GALNT11: variants seen among roughly 807,000 people sequenced by gnomAD.
The protein encoded by GALNT11 is UDP-GalNAc:polypeptide N-acetylgalactosaminyltransferase 11.
In GALNT11, 47 loss-of-function variants were observed where a neutral mutation model predicts 72.7. The observed-to-expected ratio is 0.65, with a 90% CI of 0.51 to 0.82. The LOEUF (loss-of-function observed/expected upper bound fraction) is 0.82, where lower values mean the gene tolerates loss of function less well. Ranked by LOEUF, GALNT11 falls within the 40% of genes least tolerant of loss-of-function variation. The probability of loss-of-function intolerance (pLI) is 0.00; values close to 1 mark genes in which losing one functional copy is unlikely to be tolerated. For synonymous variants in GALNT11, 270 were observed against 286.6 expected, an observed-to-expected ratio of 0.94 and a Z score of 0.58; for missense variants, 677 against 778.4, an observed-to-expected ratio of 0.87 and a Z score of 1.55.
At chr7:152,043,377 A>G (rs1160144356) in intron 1 of GALNT11, among the ~76,000 whole-genome samples, 1 of 152,232 alleles carries the variant, frequency 6.6e-6, no homozygotes, top group Non-Finnish European at 1.5e-5. Context: ...CTACTGCAGC[A>G]CTACCGGCTG....
chr7:152,040,547 A>G (rs1254330755), intron 1 of GALNT11, among the ~76,000 whole-genome samples: 1 of 152,254 alleles, frequency 6.6e-6, no homozygotes, highest in Non-Finnish European at 1.5e-5. Flanking sequence ...GATTCCCTTC[A>G]GTCAAAGGTC....
intron 8 of GALNT11, among the ~76,000 whole-genome samples, chr7:152,115,299 A>G (rs755410329): frequency 3.9e-5 from 6 of 152,234 alleles, no homozygotes; most frequent in Non-Finnish European, 5.9e-5. Context: ...GTGCCTTAGC[A>G]TAAATCGAGG....
intron 1 of GALNT11, among the ~76,000 whole-genome samples, chr7:152,085,457 C>A (rs572420979): frequency 3.8e-4 from 58 of 152,262 alleles, no homozygotes; most frequent in Non-Finnish European, 6.8e-4. Flanking sequence ...ACCTGAGATA[C>A]TTGCTTTGAC....
At chr7:152,105,413 A>G in intron 5 of GALNT11, 43 bp downstream of exon 5, 1 of 1,592,732 alleles carries the variant, frequency 6.3e-7, no homozygotes, top group East Asian at 2.2e-5. Flanking sequence ...GTTGGATGAC[A>G]AGGGCTCGAG....
At chr7:152,089,549 G>T (rs1181145468) in intron 1 of GALNT11, among the ~76,000 whole-genome samples, 1 of 152,174 alleles carries the variant, frequency 6.6e-6, no homozygotes, top group Admixed American at 6.5e-5. Context: ...AACCCGATTG[G>T]CTAACAGTTT....
intron 1 of GALNT11, among the ~76,000 whole-genome samples, chr7:152,059,995 T>C (rs1342982458): frequency 6.6e-6 from 1 of 151,952 alleles, no homozygotes; most frequent in Non-Finnish European, 1.5e-5. Flanking sequence ...TTAGTCTGCA[T>C]TGAAAATATA....
intron 1 of GALNT11, among the ~76,000 whole-genome samples, chr7:152,060,464 T>C (rs28819802): frequency 0.16 from 24,180 of 152,084 alleles, 4,670 homozygotes; most frequent in African/African-American, 0.46. Flanking sequence ...TAAGCTAAAT[T>C]ACTGGTAGTT....
chr7:152,074,012 G>A (rs1554423619), intron 1 of GALNT11, among the ~76,000 whole-genome samples: 1 of 152,048 alleles, frequency 6.6e-6, no homozygotes, highest in South Asian at 2.1e-4. Flanking sequence ...CTGCTGAGAT[G>A]TTTTAGTTTC....
chr7:152,041,789 C>A (rs1252301061), intron 1 of GALNT11, among the ~76,000 whole-genome samples: 1 of 152,180 alleles, frequency 6.6e-6, no homozygotes, highest in African/African-American at 2.4e-5. Context: ...TTAATGTCCC[C>A]TAGTAATTTT....
intron 1 of GALNT11, among the ~76,000 whole-genome samples, chr7:152,047,668 G>C (rs553247166): frequency 2.0e-4 from 30 of 151,772 alleles, no homozygotes; most frequent in African/African-American, 7.3e-4. Context: ...CTGCACTCTA[G>C]CCTGGTCAAC....
At position 152,103,205 on chromosome 7, in the gene GALNT11, G is replaced by C. The variant is rs555491479; in HGVS notation, c.513G>C (p.Val171=). The C allele has an allele frequency of 1.2e-6, 2 of 1,613,790 alleles. No homozygotes were observed. Among genetic ancestry groups the C allele is most frequent in the African/African-American group, 2.7e-5 (2 of 75,036 alleles). ...NEAFSALLRT[V]HSVIDRTPAH... is the part of the protein sequence containing the mutation. ...CGTTTTCTGCCTTGCTTCGGACAGTGCACAGTGTCATAGACCGCACGCCAG... is the reference window on the plus strand; with the variant it reads ...CGTTTTCTGCCTTGCTTCGGACAGTCCACAGTGTCATAGACCGCACGCCAG... The change falls in exon 4 of 12, where the codon GTG becomes GTC. Residue 171 remains valine (V), a synonymous_variant. Transcript: ENST00000430044.
chr7:152,062,187 C>A (rs1455058427), intron 1 of GALNT11, among the ~76,000 whole-genome samples: 8 of 152,196 alleles, frequency 5.3e-5, no homozygotes, highest in African/African-American at 1.7e-4. Flanking sequence ...AGAGATCCTT[C>A]ACATCCCTTG....
At chr7:152,084,408 T>A (rs969193103) in intron 1 of GALNT11, among the ~76,000 whole-genome samples, 1 of 151,340 alleles carries the variant, frequency 6.6e-6, no homozygotes, top group African/African-American at 2.4e-5. Flanking sequence ...AAAAAAACTT[T>A]TACATTTTCA....
intron 5 of GALNT11, among the ~76,000 whole-genome samples, chr7:152,106,005 GGTTA>G (rs10566519): frequency 0.2 from 30,434 of 151,832 alleles, 3,085 homozygotes; most frequent in Middle Eastern, 0.23. Flanking sequence ...AAATATATCT[GGTTA>G]GTCTTCAGTT....
chr7:152,058,701 T>A lies in GALNT11; in HGVS notation c.-39+32817T>A, dbSNP rs115561674. Among the ~76,000 whole-genome samples, 1,132 of 152,320 alleles carry A rather than the reference T, an allele frequency of 7.4e-3. 15 individuals are homozygous for A. The highest frequency in any genetic ancestry group is 0.026 in the African/African-American group (1,091 of 41,568). On this transcript the variant is annotated intron_variant, in intron 1 of 11. Transcript: ENST00000430044. ...ATTGACTTTCCATTCATGAAAGATTTTTCTGTAGCTGTTTGATAGCAATTT... is the reference window on the plus strand; with the variant it reads ...ATTGACTTTCCATTCATGAAAGATTATTCTGTAGCTGTTTGATAGCAATTT...
chr7:152,114,791 G>C (rs2088666432), intron 8 of GALNT11, among the ~76,000 whole-genome samples: 1 of 151,914 alleles, frequency 6.6e-6, no homozygotes, highest in African/African-American at 2.4e-5. Context: ...CTGTATGCCA[G>C]GCTCTGTGTT....
intron 1 of GALNT11, among the ~76,000 whole-genome samples, chr7:152,061,506 T>G (rs1225255838): frequency 6.6e-6 from 1 of 152,220 alleles, no homozygotes; most frequent in Non-Finnish European, 1.5e-5. Context: ...ATTTTGGCTT[T>G]TGTTGCCATT....
intron 1 of GALNT11, among the ~76,000 whole-genome samples, chr7:152,093,108 A>G (rs2086146614): frequency 6.6e-6 from 1 of 152,122 alleles, no homozygotes; most frequent in African/African-American, 2.4e-5. Flanking sequence ...ACGCACCTGT[A>G]ATCCCAGCTA....
chr7:152,106,267 A>C (rs923281771), intron 5 of GALNT11, among the ~76,000 whole-genome samples: 3 of 152,240 alleles, frequency 2.0e-5, no homozygotes, highest in African/African-American at 7.2e-5. Context: ...CATCTACTGC[A>C]GTCCTTCCTA....
Sources: allele counts gnomAD v4.1 joint callset (sites outside exome capture counted in the v4.1 genomes callset), GRCh38; gene constraint gnomAD v4.1.1; transcripts MANE v1.5; gene names NCBI Gene and HGNC (gene_info 2026-07-23, HGNC 2026-07-21).